SCAPER: variants seen among roughly 807,000 people sequenced by gnomAD.
The protein encoded by SCAPER is S-phase cyclin A associated protein in the ER.
Under a neutral mutation model 182.2 loss-of-function variants are expected in SCAPER, and 98 were observed. The observed-to-expected ratio is 0.54, with a 90% CI of 0.46 to 0.64. The LOEUF (loss-of-function observed/expected upper bound fraction) is 0.64, where lower values mean the gene tolerates loss of function less well. Ranked by LOEUF, SCAPER falls within the 30% of genes least tolerant of loss-of-function variation. The pLI is 0.00. For synonymous variants in SCAPER, 605 were observed against 564.6 expected (o/e 1.07, Z -1.01); for missense variants, 1,432 against 1,690.0 (o/e 0.85, Z 2.68).
intron 23 of SCAPER, among the ~76,000 whole-genome samples, chr15:76,543,297 G>A (rs2144787499): frequency 6.6e-6 from 1 of 152,210 alleles, no homozygotes; most frequent in South Asian, 2.1e-4. Context: ...CTGTGTTTTA[G>A]TACAGTTTAT....
At chr15:76,575,766 T>C (rs2047771930) in intron 22 of SCAPER, among the ~76,000 whole-genome samples, 1 of 152,232 alleles carries the variant, frequency 6.6e-6, no homozygotes, top group Admixed American at 6.5e-5. Flanking sequence ...GCACTCATCA[T>C]AAGAGAATTA....
At position 76,889,838 on chromosome 15, in the gene SCAPER, AACT is replaced by A. The variant is rs369031255; in HGVS notation, c.-59-5965_-59-5963del. On this transcript the variant is annotated intron_variant, in intron 1 of 31. Coordinates refer to ENST00000563290, the MANE Select transcript of SCAPER (RefSeq NM_020843.4). ...AAGCGGACCTAATAGACATCTACAG[AACT>A]CTCCACCCCAATTCAACAGAATATT... Among the ~76,000 whole-genome samples, 103 of 152,310 alleles carry A rather than the reference AACT, an allele frequency of 6.8e-4. 2 individuals carry two copies. In the East Asian group the frequency reaches 0.017, roughly 25 times the overall value.
At chr15:76,826,573 A>ATT (rs2068040070) in intron 5 of SCAPER, among the ~76,000 whole-genome samples, 3 of 147,878 alleles carry the variant, frequency 2.0e-5, no homozygotes. Context: ...AATAATTAAA[A>ATT]AAAAAAAAAA....
At chr15:76,383,895 G>C (rs544943870) in intron 27 of SCAPER, among the ~76,000 whole-genome samples, 1 of 152,126 alleles carries the variant, frequency 6.6e-6, no homozygotes, top group African/African-American at 2.4e-5. Context: ...TTGTATTGTC[G>C]AGGGGAGATA....
In SCAPER at chr15:76,445,483, G is replaced by C. The variant is rs76271791; in HGVS notation, c.3079-11173C>G. Reference sequence around the variant, plus strand: ...AGACCTCCTCTGACACTGTTCTGATGGGGGGCAGGGAGTGTCACCTCATTA... The same window carrying C: ...AGACCTCCTCTGACACTGTTCTGATCGGGGGCAGGGAGTGTCACCTCATTA... On this transcript the variant is annotated intron_variant, in intron 25 of 31. Transcript: ENST00000563290. Among the ~76,000 whole-genome samples, 10 of 151,968 alleles carry C rather than the reference G, an allele frequency of 6.6e-5. No individual in the cohort carries two copies. The East Asian group carries it at 1.7e-3, about 26-fold the overall frequency.
chr15:76,602,976 CT>C (rs34097680), intron 22 of SCAPER, among the ~76,000 whole-genome samples: 1,828 of 57,824 alleles, frequency 0.032, 124 homozygotes, highest in African/African-American at 0.076. Flanking sequence ...AGCAAGAAAA[CT>C]TTTTTTTTTT....
chr15:76,389,695 G>A (rs1357728703), intron 27 of SCAPER, among the ~76,000 whole-genome samples: 3 of 151,018 alleles, frequency 2.0e-5, no homozygotes, highest in African/African-American at 7.3e-5. Context: ...GCGGGCGCCT[G>A]TAGTCCCAGC....
intron 20 of SCAPER, among the ~76,000 whole-genome samples, chr15:76,688,272 T>C (rs1272583584): frequency 6.6e-6 from 1 of 152,236 alleles, no homozygotes; most frequent in East Asian, 1.9e-4. Context: ...CTCCGCCCAC[T>C]TTTTGATGGG....
intron 8 of SCAPER, among the ~76,000 whole-genome samples, chr15:76,776,448 G>C (rs1296686705): frequency 6.6e-6 from 1 of 152,032 alleles, no homozygotes; most frequent in Non-Finnish European, 1.5e-5. Flanking sequence ...GGGCCCAATA[G>C]TGAACAAAGT....
chr15:76,625,058 CAG>C (rs2052441144), intron 21 of SCAPER, among the ~76,000 whole-genome samples: 1 of 152,138 alleles, frequency 6.6e-6, no homozygotes, highest in Admixed American at 6.5e-5. Context: ...CTTAAGCCCC[CAG>C]AGAGAGTACT....
chr15:76,722,779 T>C (rs1345778893), intron 17 of SCAPER, among the ~76,000 whole-genome samples: 1 of 152,204 alleles, frequency 6.6e-6, no homozygotes, highest in Non-Finnish European at 1.5e-5. Flanking sequence ...TGATATCTCC[T>C]TTGTCATTTT....
intron 6 of SCAPER, 79 bp downstream of exon 6, chr15:76,804,454 G>T: frequency 5.6e-6 from 5 of 891,960 alleles, no homozygotes; most frequent in Non-Finnish European, 8.5e-6. Flanking sequence ...TCAATATGAG[G>T]TTAAGTTTAT....
chr15:76,807,569 C>T (rs1026291777), intron 5 of SCAPER, among the ~76,000 whole-genome samples: 7 of 151,336 alleles, frequency 4.6e-5, no homozygotes, highest in Non-Finnish European at 1.0e-4. Flanking sequence ...TTTTAGGGTA[C>T]ATGTGCACAT....
chr15:76,826,536 C>T (rs540495638), intron 5 of SCAPER, among the ~76,000 whole-genome samples: 3 of 147,990 alleles, frequency 2.0e-5, no homozygotes, highest in South Asian at 2.2e-4. Flanking sequence ...ACATTGTGCA[C>T]ATGTACCCTA....
intron 8 of SCAPER, among the ~76,000 whole-genome samples, 193 bp downstream of exon 8, chr15:76,795,087 G>T (rs900956108): frequency 1.3e-5 from 2 of 152,154 alleles, no homozygotes; most frequent in Non-Finnish European, 2.9e-5. Context: ...AAACTAGAAT[G>T]ATCTCCATAA....
At chr15:76,377,354 C>A (rs2042641912) in intron 28 of SCAPER, among the ~76,000 whole-genome samples, 1 of 151,566 alleles carries the variant, frequency 6.6e-6, no homozygotes, top group South Asian at 2.1e-4. Context: ...AAGGACTTTG[C>A]TCCTTTAAAT....
At chr15:76,379,898 G>A (rs2042833620) in intron 28 of SCAPER, 1 of 152,098 alleles carries the variant, frequency 6.6e-6, no homozygotes, top group Admixed American at 6.5e-5. Flanking sequence ...TGGAGTGACT[G>A]ACCGAACAGC....
At position 76,473,462 on chromosome 15, in the gene SCAPER, G is replaced by A. The variant is rs540030261; in HGVS notation, c.2955-2127C>T. The stretch of plus-strand genomic sequence containing the variant: ...GATTCCTGGATGTTTTGAATACTGT[G>A]ACTAAAACCTGCATTGCCTGAGTGA... On this transcript the variant is annotated intron_variant, in intron 24 of 31. Transcript: ENST00000563290. Among the ~76,000 whole-genome samples the A allele has an allele frequency of 9.2e-5, 14 of 152,330 alleles. No individual in the cohort carries two copies. In the East Asian group the frequency reaches 1.7e-3, roughly 19 times the overall value.
At chr15:76,670,422 G>A (rs2056929596) in intron 20 of SCAPER, among the ~76,000 whole-genome samples, 1 of 151,988 alleles carries the variant, frequency 6.6e-6, no homozygotes, top group African/African-American at 2.4e-5. Flanking sequence ...TTTGAGTAAT[G>A]CCTTATTGTT....
Sources: allele counts gnomAD v4.1 joint callset (sites outside exome capture counted in the v4.1 genomes callset), GRCh38; gene constraint gnomAD v4.1.1; transcripts MANE v1.5; gene names NCBI Gene and HGNC (gene_info 2026-07-23, HGNC 2026-07-21).